SLC4A2: variants seen among roughly 807,000 people sequenced by gnomAD.
SLC4A2 encodes anion exchange protein 2.
A neutral mutation model predicts 115.0 loss-of-function variants in SLC4A2; 36 were observed. The observed-to-expected ratio is 0.31, with a 90% CI of 0.24 to 0.41. The LOEUF is 0.41. Among genes scored for constraint, SLC4A2 ranks in the 10% least tolerant of loss-of-function variants. The pLI is 1.00. For synonymous variants in SLC4A2, 708 were observed against 708.3 expected (o/e 1.00, Z 0.01); for missense variants, 1,252 against 1,705.6 (o/e 0.73, Z 4.68).
intron 21 of SLC4A2, 89 bp downstream of exon 21, chr7:151,075,864 C>T: frequency 6.9e-7 from 1 of 1,445,946 alleles, no homozygotes; most frequent in Non-Finnish European, 9.4e-7. Flanking sequence ...CTCCCATCTG[C>T]CCAGTTCAGC....
Position 151,062,798 on chromosome 7 carries a change from C to T in SLC4A2, c.51+760C>T. 5 of 1,368,964 alleles carry T rather than the reference C, an allele frequency of 3.7e-6. No homozygotes were observed. In the South Asian group the frequency reaches 8.5e-5, roughly 23 times the overall value. The allele number at this position is 1,368,964 out of a possible 1,614,324, so 84.8% of individuals were successfully genotyped here. On this transcript the variant is annotated intron_variant, in intron 2 of 22. Coordinates refer to ENST00000413384, the MANE Select transcript of SLC4A2 (RefSeq NM_003040.4). ...GGGGAGCCAGGAGATGGACAGGAGC[C>T]TTCCTCACAGAGGGGAGAAGCCAGC...
At position 151,070,789 on chromosome 7, in the gene SLC4A2, T is replaced by C. The variant is rs1189359809; in HGVS notation, c.1627T>C (p.Leu543=). 1 of 1,613,872 alleles carries C rather than the reference T, an allele frequency of 6.2e-7. No homozygotes were observed. The highest frequency in any genetic ancestry group is 1.3e-5 in the African/African-American group (1 of 74,964). The part of the protein sequence containing the change: ...AFVRLREAVE[L]DAVLEVPVPV... ...TGTGCGGCTCCGGGAGGCTGTGGAGTTGGACGCAGTGTTGGAGGTGCCGGT... is the reference window on the plus strand; with the variant it reads ...TGTGCGGCTCCGGGAGGCTGTGGAGCTGGACGCAGTGTTGGAGGTGCCGGT... The change falls in exon 12 of 23, where the codon TTG becomes CTG. Residue 543 remains leucine (L), a synonymous_variant. Coordinates refer to ENST00000413384, the MANE Select transcript of SLC4A2 (RefSeq NM_003040.4).
Position 151,071,571 on chromosome 7 carries a change from C to A in SLC4A2, c.2157C>A (p.Ala719=). Residue 719 remains alanine (A), a synonymous_variant, in exon 14 of 23, where the codon GCC becomes GCA. Coordinates refer to ENST00000413384, the MANE Select transcript of SLC4A2 (RefSeq NM_003040.4). This position sits in a 1 kb window ranked among gnomAD's most constrained non-coding sequence, Gnocchi z 5.5. Reference sequence around the variant, plus strand: ...CAGTCATCTTCATCTACTTTGCCGCCCTGTCTCCTGCCATCACCTTTGGGG... The same window carrying A: ...CAGTCATCTTCATCTACTTTGCCGCACTGTCTCCTGCCATCACCTTTGGGG... The part of the protein sequence containing the change: ...LAAVIFIYFA[A]LSPAITFGGL... The A allele has an allele frequency of 1.2e-6, 2 of 1,614,018 alleles. No individual in the cohort carries two copies. The highest frequency in any genetic ancestry group is 1.7e-6 in the Non-Finnish European group (2 of 1,180,002).
chr7:151,070,329 C>T lies in SLC4A2; in HGVS notation c.1432C>T (p.Leu478=), dbSNP rs967156126. 31 of 1,611,388 alleles carry T rather than the reference C, an allele frequency of 1.9e-5. No individual in the cohort carries two copies. The highest frequency in any genetic ancestry group is 2.4e-5 in the Non-Finnish European group (28 of 1,178,456). ...PLMGGVPETR[L]EVERERELPP... ...CATGGGAGGTGTTCCTGAGACCCGG[C>T]TGGAGGTGGAGCGAGAGGTGAGGGG... The change falls in exon 10 of 23, where the codon CTG becomes TTG. Residue 478 remains leucine (L), a synonymous_variant. Transcript: ENST00000413384.
chr7:151,062,664 G>A, intron 2 of SLC4A2: 2 of 1,520,290 alleles, frequency 1.3e-6, no homozygotes, highest in Non-Finnish European at 1.8e-6. Context: ...GCGGCCTCAG[G>A]TGCGAGGGGT....
intron 2 of SLC4A2, among the ~76,000 whole-genome samples, 177 bp from the exon 3 acceptor site, chr7:151,064,025 G>A (rs2150367683): frequency 6.6e-6 from 1 of 151,930 alleles, no homozygotes; most frequent in African/African-American, 2.4e-5. Flanking sequence ...CACTGTGCCT[G>A]GCCTGGGTCC....
intron 8 of SLC4A2, among the ~76,000 whole-genome samples, chr7:151,069,136 T>C (rs545716560): frequency 0.04 from 257 of 6,492 alleles, no homozygotes; most frequent in Admixed American, 0.09. Context: ...GAGACTCTTA[T>C]CACCAAAAAA....
Position 151,071,926 on chromosome 7 carries a change from C to G in SLC4A2, c.2341-16C>G, listed in dbSNP as rs1797455382. 1 of 1,612,738 alleles carries G rather than the reference C, an allele frequency of 6.2e-7. No homozygotes were observed. The highest frequency in any genetic ancestry group is 8.5e-7 in the Non-Finnish European group (1 of 1,178,892). On this transcript the variant is annotated splice_polypyrimidine_tract_variant and intron_variant, in intron 15 of 22. Transcript: ENST00000413384. This position sits in a 1 kb window ranked among gnomAD's most constrained non-coding sequence, Gnocchi z 5.5. ...TCCCCACCCAGAGCTCAGGACCTGACTGCCCCTCCCTCCAGTTCTGTAGCA... is the reference window on the plus strand; with the variant it reads ...TCCCCACCCAGAGCTCAGGACCTGAGTGCCCCTCCCTCCAGTTCTGTAGCA...
At chr7:151,073,966 C>G in intron 16 of SLC4A2, 73 bp from the exon 17 acceptor site, 2 of 1,481,192 alleles carry the variant, frequency 1.4e-6, no homozygotes, top group Admixed American at 2.2e-5. Flanking sequence ...CCCCTTCCAC[C>G]CGACACTCAC....
chr7:151,070,473 C>T lies in SLC4A2; in HGVS notation c.1466C>T (p.Pro489Leu). The change falls in exon 11 of 23, where the codon CCA becomes CTA. Residue 489 changes from proline to leucine, a missense_variant. Physicochemically the swap from Pro to Leu is moderately conservative, Grantham distance 98 (BLOSUM62 -3). Transcript: ENST00000413384. ...GTCCCCCAGCGTGAGCTGCCGCCTC[C>T]AGCACCACCAGCTGGCATCACCCGC... is the stretch of plus-strand genomic sequence containing the variant. The part of the protein sequence containing the change: ...EVERERELPP[P>L]APPAGITRSK... 2 of 1,612,926 alleles carry T rather than the reference C, an allele frequency of 1.2e-6. No individual in the cohort carries two copies. The highest frequency in any genetic ancestry group is 1.7e-6 in the Non-Finnish European group (2 of 1,179,556).
chr7:151,062,668 G>A, intron 2 of SLC4A2: 1 of 1,519,264 alleles, frequency 6.6e-7, no homozygotes, highest in Non-Finnish European at 8.8e-7. Flanking sequence ...CCTCAGGTGC[G>A]AGGGGTCTGC....
chr7:151,062,087 C>A, intron 2 of SLC4A2, 49 bp downstream of exon 2: 1 of 1,538,502 alleles, frequency 6.5e-7, no homozygotes. Flanking sequence ...CCCTGGGCAG[C>A]CTTGGGTGCT....
In SLC4A2 at chr7:151,070,239, G is replaced by A; in HGVS notation, c.1342G>A (p.Gly448Ser). The change falls in exon 10 of 23, where the codon GGC becomes AGC. Residue 448 changes from glycine to serine, a missense_variant. This residue lies in a region of SLC4A2 where 142 missense variants were observed against 153.5 expected (regional missense o/e 0.93). Coordinates refer to ENST00000413384, the MANE Select transcript of SLC4A2 (RefSeq NM_003040.4). The stretch of plus-strand genomic sequence containing the variant: ...CCGCAACATCTCAGCTGGCTCCCTG[G>A]GCTCCCTGCTGGGGCATCACCATGG... Reference protein sequence around the residue: ...FPRNISAGSLGSLLGHHHGQG... With the variant: ...FPRNISAGSLSSLLGHHHGQG... 1 of 1,614,064 alleles carries A rather than the reference G, an allele frequency of 6.2e-7. No homozygotes were observed. Among genetic ancestry groups the A allele is most frequent in the Admixed American group, 1.7e-5 (1 of 60,030 alleles).
intron 2 of SLC4A2, chr7:151,062,698 G>A (rs774898936): frequency 1.5e-5 from 22 of 1,481,656 alleles, no homozygotes; most frequent in South Asian, 3.8e-5. Context: ...TCCCCATGGC[G>A]GCAAGCTCCC....
rs1272345637 is a variant in SLC4A2 at position 151,064,772 on chromosome 7, G to A, written c.459+5G>A. On this transcript the variant is annotated splice_donor_5th_base_variant and intron_variant, in intron 4 of 22. Transcript: ENST00000413384. Reference sequence around the variant, plus strand: ...TCCACACCCTCCTCGGTGCAGGTGCGCTGGGTGCGGGCTCCTAGGGCATGT... The same window carrying A: ...TCCACACCCTCCTCGGTGCAGGTGCACTGGGTGCGGGCTCCTAGGGCATGT... 5 of 1,606,868 alleles carry A rather than the reference G, an allele frequency of 3.1e-6. No individual in the cohort carries two copies. The highest frequency in any genetic ancestry group is 4.3e-6 in the Non-Finnish European group (5 of 1,174,954).
chr7:151,072,249 G>T, intron 16 of SLC4A2, 113 bp downstream of exon 16: 1 of 826,188 alleles, frequency 1.2e-6, no homozygotes, highest in Non-Finnish European at 1.9e-6. Flanking sequence ...GAGCATCCCC[G>T]GGGCTTGTTG....
At chr7:151,066,062 C>T (rs1359117374) in intron 5 of SLC4A2, among the ~76,000 whole-genome samples, 1 of 152,184 alleles carries the variant, frequency 6.6e-6, no homozygotes, top group Non-Finnish European at 1.5e-5. Context: ...TAAACATAGG[C>T]CCCTGTGAAC....
chr7:151,072,196 G>A, intron 16 of SLC4A2, 60 bp downstream of exon 16: 1 of 1,473,088 alleles, frequency 6.8e-7, no homozygotes, highest in Admixed American at 1.7e-5. Context: ...GCTGGAGGGA[G>A]TCTCTTGGTC....
intron 3 of SLC4A2, 43 bp downstream of exon 3, chr7:151,064,410 TTGAC>T (rs1168867932): frequency 6.5e-7 from 1 of 1,550,298 alleles, no homozygotes; most frequent in Non-Finnish European, 8.8e-7. Context: ...GGGATCAGGT[TTGAC>T]TGTCCAGCAA....
Sources: allele counts gnomAD v4.1 joint callset (sites outside exome capture counted in the v4.1 genomes callset), GRCh38; gene constraint gnomAD v4.1.1; regional missense constraint gnomAD v4.1.1; non-coding constraint Gnocchi (gnomAD v3.1); transcripts MANE v1.5; gene names NCBI Gene and HGNC (gene_info 2026-07-23, HGNC 2026-07-21).